Variants in LPP observed in about 807,000 individuals in gnomAD.
LPP encodes LIM domain containing preferred translocation partner in lipoma, also known as lipoma-preferred partner.
In LPP, 38 loss-of-function variants were observed where a neutral mutation model predicts 60.4. The ratio of observed to expected loss-of-function variants is 0.63; its 90% CI spans 0.49 to 0.83. The LOEUF (loss-of-function observed/expected upper bound fraction) is 0.83. Ranked by LOEUF, LPP falls within the 40% of genes least tolerant of loss-of-function variation. The pLI is 0.00. For missense variants in LPP, 902 were observed against 783.6 expected (o/e 1.15, Z -1.80); for synonymous variants, 328 against 290.8 (o/e 1.13, Z -1.30).
chr3:188,547,898 G>A (rs1002898011), intron 6 of LPP, among the ~76,000 whole-genome samples: 1 of 152,136 alleles, frequency 6.6e-6, no homozygotes, highest in African/African-American at 2.4e-5. Flanking sequence ...GCATCTTCTT[G>A]CTCACTCCAG....
At position 188,803,942 on chromosome 3, in the gene LPP, A is replaced by G. The variant is rs1262401444; in HGVS notation, c.1410+43660A>G. 6.6e-5 allele frequency among the ~76,000 whole-genome samples: 10 copies of G among 151,954 alleles called. 1 individual carries two copies. Among genetic ancestry groups the G allele is most frequent in the Admixed American group, 6.6e-4 (10 of 15,254 alleles). ...TATGTCTTCCAGTTCATGAATATAC[A>G]TGTCTGTATTTATTTAGATTGTTAA... On this transcript the variant is annotated intron_variant, in intron 9 of 11. Coordinates refer to ENST00000617246, the MANE Select transcript of LPP (RefSeq NM_001375462.1).
At chr3:188,669,449 A>G (rs1051127270) in intron 7 of LPP, among the ~76,000 whole-genome samples, 16 of 151,978 alleles carry the variant, frequency 1.1e-4, no homozygotes, top group South Asian at 4.2e-4. Flanking sequence ...GGTGGCGGGC[A>G]CCTGTAGTCC....
At chr3:188,617,937 G>T (rs1023834182) in intron 7 of LPP, among the ~76,000 whole-genome samples, 1 of 152,058 alleles carries the variant, frequency 6.6e-6, no homozygotes, top group African/African-American at 2.4e-5. Context: ...TTCTTGGCCA[G>T]CTACAAACAC....
chr3:188,316,299 A>G (rs980750874), intron 2 of LPP, among the ~76,000 whole-genome samples: 9 of 152,120 alleles, frequency 5.9e-5, no homozygotes, highest in African/African-American at 2.2e-4. Context: ...AACAAAACAA[A>G]AAAAAGATTA....
intron 2 of LPP, among the ~76,000 whole-genome samples, chr3:188,293,738 T>A (rs920404497): frequency 2.0e-5 from 3 of 152,054 alleles, no homozygotes; most frequent in African/African-American, 7.2e-5. Context: ...ACAACATGGA[T>A]GAACCTTGAA....
intron 2 of LPP, among the ~76,000 whole-genome samples, chr3:188,269,645 A>ATATGTGTGTG (rs748506984): frequency 0.31 from 41,998 of 135,994 alleles, 7,049 homozygotes; most frequent in Non-Finnish European, 0.38. Flanking sequence ...CTTTTTTTTT[A>ATATGTGTGTG]TGTGTGTGTG....
chr3:188,777,314 C>T (rs774106798), intron 9 of LPP, among the ~76,000 whole-genome samples: 5 of 149,784 alleles, frequency 3.3e-5, no homozygotes, highest in Non-Finnish European at 5.9e-5. Context: ...TTTACCTCTG[C>T]GTCTAAGTTG....
At chr3:188,179,770 T>G in intron 1 of LPP, 1 of 314,920 alleles carries the variant, frequency 3.2e-6, no homozygotes, top group African/African-American at 2.2e-5. Flanking sequence ...GCTTCCCCTC[T>G]CCCCCTGAGT....
chr3:188,813,827 C>T (rs1285542891), intron 9 of LPP, among the ~76,000 whole-genome samples: 1 of 152,058 alleles, frequency 6.6e-6, no homozygotes, highest in Non-Finnish European at 1.5e-5. Flanking sequence ...CTCAGCACTT[C>T]GGGATGCCAA....
intron 3 of LPP, among the ~76,000 whole-genome samples, chr3:188,359,479 G>A (rs1003185034): frequency 1.8e-4 from 27 of 152,184 alleles, no homozygotes; most frequent in African/African-American, 5.5e-4. Flanking sequence ...AGCTGCAGGG[G>A]CAGCTCATTA....
At chr3:188,854,757 T>G (rs1763429408) in intron 9 of LPP, among the ~76,000 whole-genome samples, 1 of 152,220 alleles carries the variant, frequency 6.6e-6, no homozygotes, top group Non-Finnish European at 1.5e-5. Context: ...AGCCCTTCCA[T>G]GACCCTAGTT....
rs779072106 is a variant in LPP at position 188,792,506 on chromosome 3, C to T, written c.1410+32224C>T. Among the ~76,000 whole-genome samples, 88 of 152,180 alleles carry T rather than the reference C, an allele frequency of 5.8e-4. 1 individual carries two copies. Among genetic ancestry groups the T allele is most frequent in the Admixed American group, 5.9e-4 (9 of 15,282 alleles). ...CACTGGCAGCATTTTAGAATTGCCC[C>T]TTCCCTCTTCTCTCAAAGGGCTGCT... On this transcript the variant is annotated intron_variant, in intron 9 of 11. Transcript: ENST00000617246.
At chr3:188,303,457 A>G (rs1750577654) in intron 2 of LPP, among the ~76,000 whole-genome samples, 1 of 152,226 alleles carries the variant, frequency 6.6e-6, no homozygotes, top group Admixed American at 6.5e-5. Flanking sequence ...AAATGAATGA[A>G]TGACTCAGAC....
At chr3:188,383,575 T>G (rs976228469) in intron 3 of LPP, among the ~76,000 whole-genome samples, 9 of 152,206 alleles carry the variant, frequency 5.9e-5, no homozygotes, top group African/African-American at 2.2e-4. Context: ...ACAACAATTA[T>G]GTAAATTTTC....
At chr3:188,421,778 A>C (rs1787877479) in intron 4 of LPP, among the ~76,000 whole-genome samples, 1 of 152,172 alleles carries the variant, frequency 6.6e-6, no homozygotes, top group African/African-American at 2.4e-5. Flanking sequence ...AGATTCAACC[A>C]CATCGATACA....
chr3:188,672,092 G>A (rs894073210), intron 7 of LPP, among the ~76,000 whole-genome samples: 1 of 152,132 alleles, frequency 6.6e-6, no homozygotes, highest in Admixed American at 6.5e-5. Flanking sequence ...TCACACTTGA[G>A]GTATCAAACT....
At chr3:188,430,654 A>G (rs1790663157) in intron 4 of LPP, among the ~76,000 whole-genome samples, 1 of 152,200 alleles carries the variant, frequency 6.6e-6, no homozygotes, top group Non-Finnish European at 1.5e-5. Context: ...ATGACTGAAC[A>G]TCCTTAGACA....
chr3:188,464,854 T>C (rs1799970553), intron 4 of LPP, among the ~76,000 whole-genome samples: 1 of 151,916 alleles, frequency 6.6e-6, no homozygotes, highest in South Asian at 2.1e-4. Context: ...TACACCCCAT[T>C]TGGTTTGGGA....
chr3:188,326,150 C>A (rs1758369201), intron 2 of LPP, among the ~76,000 whole-genome samples: 2 of 152,174 alleles, frequency 1.3e-5, no homozygotes, highest in South Asian at 4.1e-4. Flanking sequence ...GATAACGAGT[C>A]TTTCTAAAGC....
Sources: gnomAD v4.1 joint callset for allele counts (sites outside exome capture counted in the v4.1 genomes callset) on GRCh38, gnomAD v4.1.1 for gene constraint, MANE v1.5 for transcripts, NCBI Gene and HGNC (gene_info 2026-07-23, HGNC 2026-07-21) for gene names.